The following ITPR2 variants were observed in gnomAD, a reference collection of about 807,000 sequenced individuals.
ITPR2 encodes inositol 1,4,5-trisphosphate-gated calcium channel ITPR2.
Under a neutral mutation model 317.1 loss-of-function variants are expected in ITPR2, and 207 were observed. The observed-to-expected ratio is 0.65, with a 90% confidence interval of 0.58 to 0.73. The LOEUF (loss-of-function observed/expected upper bound fraction) is 0.73. Ranked by LOEUF, ITPR2 falls within the 30% of genes least tolerant of loss-of-function variation. The probability of loss-of-function intolerance (pLI) is 0.00; values close to 1 mark genes in which losing one functional copy is unlikely to be tolerated. For synonymous variants in ITPR2, 1,156 were observed against 1,149.1 expected, an observed-to-expected ratio of 1.01 and a Z score of -0.12; for missense variants, 2,613 against 3,284.0, an observed-to-expected ratio of 0.80 and a Z score of 4.99.
Position 26,428,084 on chromosome 12 carries a change from T to C in ITPR2, c.6774A>G (p.Thr2258=), listed in dbSNP as rs772046108. ...GAAGAACCGAGAACAATGGAGAAAG[T>C]GTACCTGTAAAATGTGGAAGAAATT... ...YPFGDDGDEG[T]LSPLFSVLLW... is the part of the protein sequence containing the mutation. Residue 2258 remains threonine, a synonymous_variant, in exon 49 of 57, where the codon ACA becomes ACG. Coordinates refer to ENST00000381340, the MANE Select transcript of ITPR2 (RefSeq NM_002223.4). 4 of 1,587,782 alleles carry C rather than the reference T, an allele frequency of 2.5e-6. No homozygotes were observed. Among genetic ancestry groups the C allele is most frequent in the African/African-American group, 1.4e-5 (1 of 73,004 alleles).
intron 28 of ITPR2, among the ~76,000 whole-genome samples, chr12:26,600,718 CTAT>C (rs201892100): frequency 0.022 from 2,109 of 97,682 alleles, 25 homozygotes; most frequent in Non-Finnish European, 0.034. Flanking sequence ...CTTTTCCTAT[CTAT>C]TATTTCTTCT....
intron 55 of ITPR2, among the ~76,000 whole-genome samples, chr12:26,362,005 A>C (rs1278112001): frequency 6.6e-6 from 1 of 152,230 alleles, no homozygotes; most frequent in African/African-American, 2.4e-5. Flanking sequence ...ATTCACAATA[A>C]CACCACCTTA....
intron 45 of ITPR2, among the ~76,000 whole-genome samples, chr12:26,465,675 T>A (rs1942154315): frequency 1.3e-5 from 2 of 152,062 alleles, no homozygotes; most frequent in Non-Finnish European, 2.9e-5. Context: ...TAACCTAAGA[T>A]CCCAGAGCAC....
At chr12:26,782,888 G>C (rs757296980) in intron 2 of ITPR2, among the ~76,000 whole-genome samples, 2 of 152,176 alleles carry the variant, frequency 1.3e-5, no homozygotes, top group African/African-American at 4.8e-5. Flanking sequence ...ATTGTTAAGC[G>C]GGTGGAGCAA....
chr12:26,451,152 C>G lies in ITPR2; in HGVS notation c.6343-7502G>C, dbSNP rs78200304. 4.1e-4 allele frequency among the ~76,000 whole-genome samples: 62 copies of G among 152,152 alleles called. 1 individual carries two copies. The highest frequency in any genetic ancestry group is 1.3e-3 in the African/African-American group (52 of 41,500). On this transcript the variant is annotated intron_variant, in intron 45 of 56. Transcript: ENST00000381340. ...GGTTTTTGAGAATCTAAAGAGAAAG[C>G]CTTAAAGAAAGCACAACCAAGAGGA...
At chr12:26,572,220 C>G (rs1357296307) in intron 34 of ITPR2, among the ~76,000 whole-genome samples, 1 of 152,008 alleles carries the variant, frequency 6.6e-6, no homozygotes, top group Non-Finnish European at 1.5e-5. Context: ...CAGACAGATC[C>G]CCACCCAACA....
chr12:26,832,412 C>T (rs985542173), intron 1 of ITPR2, among the ~76,000 whole-genome samples: 1 of 152,288 alleles, frequency 6.6e-6, no homozygotes, highest in African/African-American at 2.4e-5. Flanking sequence ...AAGACCTCTT[C>T]GCCGGGCCCG....
At chr12:26,536,730 T>C (rs1164468249) in intron 37 of ITPR2, among the ~76,000 whole-genome samples, 1 of 152,184 alleles carries the variant, frequency 6.6e-6, no homozygotes, top group African/African-American at 2.4e-5. Flanking sequence ...CAGGCCAGTG[T>C]TGGCTACACA....
chr12:26,507,360 G>C (rs1360437832), intron 37 of ITPR2, among the ~76,000 whole-genome samples: 1 of 152,124 alleles, frequency 6.6e-6, no homozygotes, highest in Non-Finnish European at 1.5e-5. Flanking sequence ...ACCTTAGAAA[G>C]GGTCTTTTTA....
intron 2 of ITPR2, among the ~76,000 whole-genome samples, chr12:26,749,463 A>T (rs1279740163): frequency 6.6e-6 from 1 of 152,202 alleles, no homozygotes; most frequent in Admixed American, 6.5e-5. Context: ...TGAAATACTG[A>T]TGTGGTCCAA....
chr12:26,538,178 G>A (rs80068701), intron 37 of ITPR2, among the ~76,000 whole-genome samples: 14,630 of 152,216 alleles, frequency 0.096, 953 homozygotes, highest in African/African-American at 0.19. Context: ...CTTTTGTTGT[G>A]TGATCTTGGG....
chr12:26,539,445 T>A (rs1296736340), intron 37 of ITPR2, among the ~76,000 whole-genome samples: 1 of 152,168 alleles, frequency 6.6e-6, no homozygotes, highest in Non-Finnish European at 1.5e-5. Context: ...AAAGCCTACA[T>A]GGTTTTTCTT....
intron 1 of ITPR2, among the ~76,000 whole-genome samples, chr12:26,832,439 T>A (rs1180020892): frequency 6.6e-6 from 1 of 152,264 alleles, no homozygotes; most frequent in Non-Finnish European, 1.5e-5. Context: ...GGCTTCTGAA[T>A]CACTTCCTCC....
At chr12:26,712,074 C>T (rs1258176320) in intron 8 of ITPR2, among the ~76,000 whole-genome samples, 1 of 152,118 alleles carries the variant, frequency 6.6e-6, no homozygotes. Flanking sequence ...CAGAAAAGCT[C>T]GGGTTTTACA....
intron 13 of ITPR2, among the ~76,000 whole-genome samples, chr12:26,674,891 T>G (rs1159491511): frequency 1.3e-5 from 2 of 151,402 alleles, no homozygotes; most frequent in Non-Finnish European, 3.0e-5. Flanking sequence ...GCAAAGGACA[T>G]GAATAGACAC....
chr12:26,411,395 T>A lies in ITPR2; in HGVS notation c.7324A>T (p.Thr2442Ser). ...TCCATCATGGTAGTTAAAGTCATAG[T>A]AGGCACTTGATGACTGCCTAAGAAA... Reference protein sequence around the residue: ...TPVTGSHQVPTMTLTTMMEAC... With the variant: ...TPVTGSHQVPSMTLTTMMEAC... The change falls in exon 52 of 57, where the codon ACT becomes TCT. Residue 2442 changes from threonine (T) to serine (S), a missense_variant. By Grantham distance (58) the Thr-to-Ser change is moderately conservative. Transcript: ENST00000381340. 1 of 1,612,368 alleles carries A rather than the reference T, an allele frequency of 6.2e-7. No homozygotes were observed.
intron 37 of ITPR2, among the ~76,000 whole-genome samples, chr12:26,540,922 C>CTAA (rs1944240883): frequency 6.6e-6 from 1 of 152,002 alleles, no homozygotes; most frequent in African/African-American, 2.4e-5. Context: ...GAAGAGCATG[C>CTAA]TAATAATGTA....
At chr12:26,534,761 A>G (rs1944041344) in intron 37 of ITPR2, among the ~76,000 whole-genome samples, 1 of 152,220 alleles carries the variant, frequency 6.6e-6, no homozygotes, top group Non-Finnish European at 1.5e-5. Flanking sequence ...GATGCTGAAC[A>G]GGTGGTTTAC....
At chr12:26,445,933 G>A (rs1295415959) in intron 45 of ITPR2, among the ~76,000 whole-genome samples, 2 of 152,094 alleles carry the variant, frequency 1.3e-5, no homozygotes, top group Admixed American at 1.3e-4. Context: ...GCAACATCTT[G>A]ACTAGGTGAG....
Sources: allele counts gnomAD v4.1 joint callset (sites outside exome capture counted in the v4.1 genomes callset), GRCh38; gene constraint gnomAD v4.1.1; transcripts MANE v1.5; gene names NCBI Gene and HGNC (gene_info 2026-07-23, HGNC 2026-07-21).